PTPRT: variants seen among roughly 807,000 people sequenced by gnomAD.
PTPRT encodes the protein receptor-type tyrosine-protein phosphatase T.
A neutral mutation model predicts 176.8 loss-of-function variants in PTPRT; 56 were observed. The observed-to-expected ratio is 0.32, with a 90% CI of 0.26 to 0.40. The LOEUF (loss-of-function observed/expected upper bound fraction) is 0.40. Ranked by LOEUF, PTPRT falls within the 10% of genes least tolerant of loss-of-function variation. The pLI, the probability that PTPRT is intolerant of heterozygous loss-of-function variation, is 1.00. For synonymous variants in PTPRT, 783 were observed against 739.0 expected, an observed-to-expected ratio of 1.06 and a Z score of -0.96; for missense variants, 1,540 against 1,908.2, an observed-to-expected ratio of 0.81 and a Z score of 3.60.
chr20:42,605,758 C>A (rs1226811931), intron 7 of PTPRT, among the ~76,000 whole-genome samples: 1 of 152,208 alleles, frequency 6.6e-6, no homozygotes, highest in African/African-American at 2.4e-5. Flanking sequence ...GCTCTCTCCC[C>A]CTCCTACAGG....
chr20:42,465,311 T>G (rs1403184787), intron 8 of PTPRT, among the ~76,000 whole-genome samples: 1 of 152,126 alleles, frequency 6.6e-6, no homozygotes, highest in Non-Finnish European at 1.5e-5. Context: ...TTTTAAGAAT[T>G]TACCCTAAAG....
At chr20:42,712,494 G>A (rs564950530) in intron 6 of PTPRT, among the ~76,000 whole-genome samples, 1 of 152,280 alleles carries the variant, frequency 6.6e-6, no homozygotes, top group South Asian at 2.1e-4. Flanking sequence ...CTGAGGTTAT[G>A]CAAGATCACT....
intron 5 of PTPRT, among the ~76,000 whole-genome samples, chr20:42,759,709 T>C (rs990037742): frequency 1.3e-5 from 2 of 152,214 alleles, no homozygotes; most frequent in Non-Finnish European, 2.9e-5. Context: ...GCAGTAGTTT[T>C]TCAGATTTAA....
intron 27 of PTPRT, among the ~76,000 whole-genome samples, chr20:42,093,839 C>T (rs377403405): frequency 1.3e-5 from 2 of 152,348 alleles, no homozygotes; most frequent in African/African-American, 2.4e-5. Flanking sequence ...GATGCTCATC[C>T]TGTGTCATTG....
At chr20:42,546,082 G>C (rs2072668668) in intron 7 of PTPRT, among the ~76,000 whole-genome samples, 1 of 151,992 alleles carries the variant, frequency 6.6e-6, no homozygotes, top group South Asian at 2.1e-4. Context: ...CATTATAGTA[G>C]CACTTTTAAT....
At chr20:42,296,432 C>T (rs529472940) in intron 12 of PTPRT, among the ~76,000 whole-genome samples, 19 of 136,298 alleles carry the variant, frequency 1.4e-4, no homozygotes, top group Admixed American at 6.0e-4. Context: ...GGTAACACAG[C>T]GAGACTCTGT....
chr20:42,924,034 T>C (rs1979330509), intron 1 of PTPRT, among the ~76,000 whole-genome samples: 1 of 152,104 alleles, frequency 6.6e-6, no homozygotes, highest in African/African-American at 2.4e-5. Flanking sequence ...TTAGTATTTT[T>C]AGTAGAGATG....
chr20:42,236,012 GA>G (rs1290023751), intron 15 of PTPRT, among the ~76,000 whole-genome samples: 3 of 151,964 alleles, frequency 2.0e-5, no homozygotes, highest in African/African-American at 7.2e-5. Context: ...AAAATAAGAG[GA>G]AAAAAATCCA....
At chr20:42,144,518 A>C (rs1480506374) in intron 17 of PTPRT, among the ~76,000 whole-genome samples, 1 of 152,134 alleles carries the variant, frequency 6.6e-6, no homozygotes, top group African/African-American at 2.4e-5. Flanking sequence ...ACAAGTCAAC[A>C]AACATGAGAC....
intron 27 of PTPRT, among the ~76,000 whole-genome samples, chr20:42,090,625 G>A (rs1984516818): frequency 6.6e-6 from 1 of 152,188 alleles, no homozygotes; most frequent in Non-Finnish European, 1.5e-5. Context: ...CATAGACATG[G>A]AACAGAGATC....
At chr20:42,437,161 T>A (rs2145820415) in intron 9 of PTPRT, among the ~76,000 whole-genome samples, 1 of 152,322 alleles carries the variant, frequency 6.6e-6, no homozygotes, top group African/African-American at 2.4e-5. Context: ...TGTCTTTTAG[T>A]TGGTGTGTTA....
intron 20 of PTPRT, among the ~76,000 whole-genome samples, chr20:42,119,485 TA>T (rs1361019490): frequency 1.3e-5 from 2 of 152,196 alleles, no homozygotes; most frequent in Non-Finnish European, 2.9e-5. Context: ...CGATCATTTT[TA>T]AGCCTTCTGA....
At chr20:42,221,731 G>C (rs73268861) in intron 15 of PTPRT, among the ~76,000 whole-genome samples, 2,181 of 152,036 alleles carry the variant, frequency 0.014, 45 homozygotes, top group African/African-American at 0.051. Context: ...TGTTGGTCAG[G>C]CTTTCTCAAA....
Position 42,657,924 on chromosome 20 carries a change from C to CTT in PTPRT, c.1153+19940_1153+19941dup, listed in dbSNP as rs3092107. On this transcript the variant is annotated intron_variant, in intron 7 of 30. Coordinates refer to ENST00000373187, the MANE Select transcript of PTPRT (RefSeq NM_007050.6). ...ATTTTTACATCTCTGTGAGGTTTAC[C>CTT]TTTTTTTTTTTTTTTACCTTTTCTT... 9.9e-3 allele frequency among the ~76,000 whole-genome samples: 1,400 copies of CTT among 141,566 alleles called. 30 individuals are homozygous for CTT. The highest frequency in any genetic ancestry group is 0.032 in the African/African-American group (1,255 of 38,648). The allele number at this position is 141,566 out of a possible 152,430, so 92.9% of individuals were successfully genotyped here.
At chr20:42,531,456 C>T (rs1046881075) in intron 7 of PTPRT, among the ~76,000 whole-genome samples, 32 of 152,276 alleles carry the variant, frequency 2.1e-4, no homozygotes, top group Non-Finnish European at 3.1e-4. Flanking sequence ...CAGATATGCC[C>T]GACTCACTGG....
intron 24 of PTPRT, among the ~76,000 whole-genome samples, chr20:42,106,259 C>T (rs1328636136): frequency 6.6e-6 from 1 of 152,180 alleles, no homozygotes; most frequent in East Asian, 1.9e-4. Flanking sequence ...GGTTTGGGCT[C>T]TCCAACTGCA....
At chr20:42,365,679 TG>T in intron 9 of PTPRT, among the ~76,000 whole-genome samples, 1 of 152,152 alleles carries the variant, frequency 6.6e-6, no homozygotes, top group Admixed American at 6.5e-5. Flanking sequence ...ATTAAAATCA[TG>T]AAAAAATCTC....
At chr20:42,203,922 A>G (rs1318326439) in intron 15 of PTPRT, among the ~76,000 whole-genome samples, 2 of 152,170 alleles carry the variant, frequency 1.3e-5, no homozygotes, top group African/African-American at 2.4e-5. Flanking sequence ...ACCTACTACG[A>G]CAAGAACTTC....
At chr20:42,624,298 TTC>T (rs1239090803) in intron 7 of PTPRT, among the ~76,000 whole-genome samples, 1 of 152,230 alleles carries the variant, frequency 6.6e-6, no homozygotes, top group Non-Finnish European at 1.5e-5. Flanking sequence ...AAAAAAGTAG[TTC>T]TGTTGTGATT....
Sources: allele counts gnomAD v4.1 joint callset (sites outside exome capture counted in the v4.1 genomes callset), GRCh38; gene constraint gnomAD v4.1.1; transcripts MANE v1.5; gene names NCBI Gene and HGNC (gene_info 2026-07-23, HGNC 2026-07-21).